The following VPS52 variants were observed in gnomAD, a reference collection of about 807,000 sequenced individuals.
The protein encoded by VPS52 is vacuolar protein sorting-associated protein 52 homolog.
A neutral mutation model predicts 98.7 loss-of-function variants in VPS52; 56 were observed. That is an observed-to-expected ratio of 0.57 (90% CI 0.46 to 0.71). VPS52 has a LOEUF of 0.71. VPS52 is among the 30% of genes least tolerant of loss of function. The pLI, the probability that VPS52 is intolerant of heterozygous loss-of-function variation, is 0.00. For synonymous variants in VPS52, 348 were observed against 346.4 expected (o/e 1.00, Z -0.05); for missense variants, 742 against 925.9 (o/e 0.80, Z 2.58).
intron 17 of VPS52, among the ~76,000 whole-genome samples, chr6:33,261,183 C>T (rs1044543502): frequency 3.9e-5 from 6 of 151,950 alleles, no homozygotes; most frequent in African/African-American, 1.5e-4. Context: ...AAGATAGTCT[C>T]TTGGTCAGGC....
chr6:33,270,854 G>A (rs1329336771), intron 1 of VPS52, among the ~76,000 whole-genome samples: 2 of 151,742 alleles, frequency 1.3e-5, no homozygotes, highest in African/African-American at 4.8e-5. Context: ...GGGAGGTTGA[G>A]GCAGGAGAAT....
chr6:33,262,004 C>T (rs762312852), intron 17 of VPS52, among the ~76,000 whole-genome samples: 85 of 133,714 alleles, frequency 6.4e-4, no homozygotes, highest in Admixed American at 2.8e-3. Context: ...CGCACCATCG[C>T]ACTCCAGCCT....
intron 17 of VPS52, among the ~76,000 whole-genome samples, chr6:33,262,224 A>G (rs1763720213): frequency 6.6e-6 from 1 of 152,160 alleles, no homozygotes; most frequent in African/African-American, 2.4e-5. Flanking sequence ...ATTTGAATAG[A>G]TATTTTTCAA....
intron 17 of VPS52, chr6:33,254,776 A>T (rs1483329023): frequency 1.3e-5 from 2 of 151,834 alleles, no homozygotes; most frequent in Non-Finnish European, 2.9e-5. Context: ...TGGCTCAGTG[A>T]TTATCCCACC....
In VPS52 at chr6:33,261,196, G is replaced by A. The variant is rs562503321; in HGVS notation, c.1794+2288C>T. ...AAAAGATAGTCTCTTGGTCAGGCAC[G>A]GTAGCTCACGCCTGTAATCCCAGCA... On this transcript the variant is annotated intron_variant, in intron 17 of 19. Transcript: ENST00000445902. Among the ~76,000 whole-genome samples, 141 of 151,984 alleles carry A rather than the reference G, an allele frequency of 9.3e-4. 1 individual carries two copies. The highest frequency in any genetic ancestry group is 4.7e-3 in the Admixed American group (71 of 15,254).
At chr6:33,263,729 G>A (rs769107637) in intron 16 of VPS52, 43 bp downstream of exon 16, 52 of 1,612,044 alleles carry the variant, frequency 3.2e-5, no homozygotes, top group East Asian at 2.5e-4. Flanking sequence ...GGGGGAAACC[G>A]AATTTTCTGG....
chr6:33,268,135 A>C lies in VPS52; in HGVS notation c.773T>G (p.Ile258Ser). The change falls in exon 8 of 20, where the codon ATC becomes AGC. Residue 258 changes from isoleucine (I) to serine (S), a missense_variant. This residue lies in a region of VPS52 where 590 missense variants were observed against 793.3 expected (regional missense o/e 0.74). Transcript: ENST00000445902. This position sits in a 1 kb window ranked among gnomAD's most constrained non-coding sequence, Gnocchi z 4.0. ...SFRKPMTNYQ[I>S]PQTALLKYRF... is the part of the protein sequence containing the mutation. ...GTACTTCAGCAGGGCCGTCTGGGGG[A>C]TCTGATAGTTGGTCATGGGTTTCCT... The C allele has an allele frequency of 6.2e-7, 1 of 1,613,016 alleles. No individual in the cohort carries two copies. The highest frequency in any genetic ancestry group is 1.1e-5 in the South Asian group (1 of 91,078).
rs1763941836 is a variant in VPS52, at chr6:33,263,722, G to A, written c.1728+50C>T. ...CCCTCACAGAGCTAACAGCAGTGGG[G>A]GAAACCGAATTTTCTGGGTAGGAAG... is the stretch of plus-strand genomic sequence containing the variant. On this transcript the variant is annotated intron_variant, in intron 16 of 19. Coordinates refer to ENST00000445902, the MANE Select transcript of VPS52 (RefSeq NM_022553.6). The A allele has an allele frequency of 1.9e-6, 3 of 1,610,892 alleles. No individual in the cohort carries two copies. In the South Asian group the frequency reaches 3.3e-5, roughly 18 times the overall value.
intron 12 of VPS52, 131 bp downstream of exon 12, chr6:33,266,426 C>T (rs761460257): frequency 7.8e-7 from 1 of 1,274,766 alleles, no homozygotes; most frequent in Non-Finnish European, 1.1e-6. Context: ...CACTACCACG[C>T]CCAGCCAAGG....
At chr6:33,269,257 T>A in intron 5 of VPS52, 68 bp from the exon 6 acceptor site, 1 of 1,589,512 alleles carries the variant, frequency 6.3e-7, no homozygotes, top group Non-Finnish European at 8.6e-7. Context: ...CACCAAAGAC[T>A]CTTTGTGAAG....
At chr6:33,270,795 C>CA (rs9282484) in intron 1 of VPS52, among the ~76,000 whole-genome samples, 14,713 of 151,902 alleles carry the variant, frequency 0.097, 931 homozygotes, top group South Asian at 0.18. Context: ...CTAAAAAATA[C>CA]AAAAAATTAG....
At chr6:33,254,365 A>T (rs1394083523) in intron 17 of VPS52, among the ~76,000 whole-genome samples, 1 of 152,240 alleles carries the variant, frequency 6.6e-6, no homozygotes, top group Admixed American at 6.5e-5. Flanking sequence ...GGTGTCAAAT[A>T]ACTAATATGC....
intron 17 of VPS52, among the ~76,000 whole-genome samples, chr6:33,256,766 A>G (rs1426589889): frequency 1.3e-5 from 2 of 150,676 alleles, no homozygotes; most frequent in Non-Finnish European, 3.0e-5. Context: ...ACTTGAACCC[A>G]GGAGGCAGAG....
At chr6:33,255,169 C>G (rs1223261813) in intron 17 of VPS52, among the ~76,000 whole-genome samples, 1 of 152,124 alleles carries the variant, frequency 6.6e-6, no homozygotes, top group Non-Finnish European at 1.5e-5. Flanking sequence ...TTTAAGCTTT[C>G]TATAACGCAA....
rs371060402 is a variant in VPS52, at chr6:33,266,602, G to A, written c.1236C>T (p.His412=). 51 of 1,612,786 alleles carry A rather than the reference G, an allele frequency of 3.2e-5. No homozygotes were observed. The highest frequency in any genetic ancestry group is 3.3e-4 in the Middle Eastern group (2 of 6,060). The change falls in exon 12 of 20, where the codon CAC becomes CAT. Residue 412 remains histidine, a synonymous_variant. Transcript: ENST00000445902. ...GGCCCATGACAGCATGGAACAGGTC[G>A]TGTGCAGCTGGGCCAGACACAACAA... ...EFFVVSGPAA[H]DLFHAVMGRT...
chr6:33,269,439 C>T (rs1199848274), intron 5 of VPS52, 51 bp downstream of exon 5: 5 of 1,604,954 alleles, frequency 3.1e-6, no homozygotes, highest in Non-Finnish European at 3.4e-6. Flanking sequence ...CACCAGAGTC[C>T]ATGATCTGGT....
Position 33,250,949 on chromosome 6 carries a change from G to A in VPS52, c.2064C>T (p.Phe688=). 6.2e-7 allele frequency: 1 copy of A among 1,613,106 alleles called. No individual in the cohort carries two copies. The stretch of plus-strand genomic sequence containing the variant: ...GCTGCGGCTGGGACAGCACCCGGTG[G>A]AAGCGATGATAGAGCTGGATCAGCT... ...LTQLIQLYHR[F]HRVLSQPQLR... Residue 688 remains phenylalanine, a synonymous_variant, in exon 20 of 20, where the codon TTC becomes TTT. Transcript: ENST00000445902.
chr6:33,267,742 A>C lies in VPS52; in HGVS notation c.934-3T>G. ...TCTTTCTCAGCGACTTCCTCATACTAAGGAAAGAGAAAAGAGAACTGATAA... is the reference window on the plus strand; with the variant it reads ...TCTTTCTCAGCGACTTCCTCATACTCAGGAAAGAGAAAAGAGAACTGATAA... On this transcript the variant is annotated splice_polypyrimidine_tract_variant and splice_region_variant and intron_variant, in intron 9 of 19. Coordinates refer to ENST00000445902, the MANE Select transcript of VPS52 (RefSeq NM_022553.6). This position sits in a 1 kb window ranked among gnomAD's most constrained non-coding sequence, Gnocchi z 4.2. 1 of 1,612,942 alleles carries C rather than the reference A, an allele frequency of 6.2e-7. No homozygotes were observed. Among genetic ancestry groups the C allele is most frequent in the Non-Finnish European group, 8.5e-7 (1 of 1,179,998 alleles).
Position 33,271,843 on chromosome 6 carries a change from G to A in VPS52, c.-168C>T. The A allele has an allele frequency of 7.2e-7, 1 of 1,383,290 alleles. No individual in the cohort carries two copies. Among genetic ancestry groups the A allele is most frequent in the South Asian group, 1.5e-5 (1 of 66,434 alleles). 85.7% of individuals were successfully genotyped at this position (1,383,290 alleles called of 1,614,324 possible). A position where few individuals can be genotyped will look rare whatever the true frequency, so the allele number is the denominator to read the frequency against. On this transcript the variant is annotated 5_prime_UTR_variant, in exon 1 of 20. Coordinates refer to ENST00000445902, the MANE Select transcript of VPS52 (RefSeq NM_022553.6). ...TCAGCTCTAACCACTTCACCCAACT[G>A]CAAATGGAAATATGGAAGTCTGAAA...
Sources: allele counts gnomAD v4.1 joint callset (sites outside exome capture counted in the v4.1 genomes callset), GRCh38; gene constraint gnomAD v4.1.1; regional missense constraint gnomAD v4.1.1; non-coding constraint Gnocchi (gnomAD v3.1); transcripts MANE v1.5; gene names NCBI Gene and HGNC (gene_info 2026-07-23, HGNC 2026-07-21).